The following MAGI1 variants were observed in gnomAD, a reference collection of about 807,000 sequenced individuals.
MAGI1 encodes the protein membrane associated guanylate kinase, WW and PDZ domain containing 1.
Under a neutral mutation model 139.9 loss-of-function variants are expected in MAGI1, and 58 were observed. That is an observed-to-expected ratio of 0.41 (90% confidence interval 0.34 to 0.52). The LOEUF (loss-of-function observed/expected upper bound fraction) is 0.52, where lower values mean the gene tolerates loss of function less well. MAGI1 is among the 20% of genes least tolerant of loss of function. The pLI, the probability that MAGI1 is intolerant of heterozygous loss-of-function variation, is 0.12. For missense variants in MAGI1, 1,874 were observed against 1,901.6 expected, an observed-to-expected ratio of 0.99 and a Z score of 0.27; for synonymous variants, 812 against 737.9, an observed-to-expected ratio of 1.10 and a Z score of -1.63.
At chr3:65,539,371 C>A (rs1450890048) in intron 2 of MAGI1, among the ~76,000 whole-genome samples, 9 of 152,124 alleles carry the variant, frequency 5.9e-5, no homozygotes. Flanking sequence ...TACTGTCAAA[C>A]AGACACATAC....
intron 1 of MAGI1, among the ~76,000 whole-genome samples, chr3:65,948,239 C>T (rs1377770342): frequency 6.6e-6 from 1 of 152,132 alleles, no homozygotes; most frequent in African/African-American, 2.4e-5. Flanking sequence ...CCACTGCACC[C>T]AGCCTGGCAG....
At position 65,463,365 on chromosome 3, in the gene MAGI1, G is replaced by A. The variant is rs147873916; in HGVS notation, c.959+6918C>T. On this transcript the variant is annotated intron_variant, in intron 5 of 22. Transcript: ENST00000402939. Reference sequence around the variant, plus strand: ...TCTGAAACTGTTGAGATAATCATGTGGTTTTTGTCATTGGTTCTGTTTATG... The same window carrying A: ...TCTGAAACTGTTGAGATAATCATGTAGTTTTTGTCATTGGTTCTGTTTATG... 1.9e-3 allele frequency among the ~76,000 whole-genome samples: 284 copies of A among 152,224 alleles called. 2 individuals are homozygous for A. The highest frequency in any genetic ancestry group is 5.0e-3 in the African/African-American group (206 of 41,532).
intron 2 of MAGI1, among the ~76,000 whole-genome samples, chr3:65,516,636 C>G (rs1471651080): frequency 6.6e-6 from 1 of 151,394 alleles, no homozygotes; most frequent in East Asian, 2.0e-4. Flanking sequence ...CCCCTAAAAC[C>G]TTATCACAAT....
chr3:66,013,725 C>T (rs1428086218), intron 1 of MAGI1, among the ~76,000 whole-genome samples: 23 of 147,608 alleles, frequency 1.6e-4, no homozygotes, highest in African/African-American at 4.8e-4. Flanking sequence ...CGCACCACTG[C>T]ACTCCAGCCA....
intron 1 of MAGI1, among the ~76,000 whole-genome samples, chr3:65,680,104 T>C (rs1242701430): frequency 6.6e-6 from 1 of 152,204 alleles, no homozygotes; most frequent in Admixed American, 6.5e-5. Context: ...GACAGCATCC[T>C]ATAGACAAAG....
chr3:65,965,998 G>T (rs1052531337), intron 1 of MAGI1, among the ~76,000 whole-genome samples: 5 of 152,138 alleles, frequency 3.3e-5, no homozygotes, highest in Non-Finnish European at 7.3e-5. Flanking sequence ...ACTTCTCAGA[G>T]ATAGAAGACG....
intron 1 of MAGI1, among the ~76,000 whole-genome samples, chr3:65,905,210 C>A (rs1256091461): frequency 6.6e-6 from 1 of 152,288 alleles, no homozygotes; most frequent in East Asian, 1.9e-4. Context: ...CACTGCTTCT[C>A]AAACTAGTTG....
At chr3:65,362,244 A>G (rs900279989) in intron 21 of MAGI1, among the ~76,000 whole-genome samples, 2 of 152,268 alleles carry the variant, frequency 1.3e-5, no homozygotes, top group African/African-American at 4.8e-5. Flanking sequence ...ATACATGTAA[A>G]CCTGTCATGT....
chr3:65,627,533 A>T (rs1457274038), intron 1 of MAGI1, among the ~76,000 whole-genome samples: 2 of 70,882 alleles, frequency 2.8e-5, no homozygotes, highest in East Asian at 4.0e-4. Flanking sequence ...TTTGAGATGG[A>T]GTCTTGCTCT....
chr3:65,363,416 A>G, intron 21 of MAGI1, 49 bp downstream of exon 21: 1 of 1,547,174 alleles, frequency 6.5e-7, no homozygotes. Flanking sequence ...ACAAGAATTC[A>G]CTGCAGATGG....
At chr3:65,693,497 T>C (rs986129176) in intron 1 of MAGI1, among the ~76,000 whole-genome samples, 1 of 152,128 alleles carries the variant, frequency 6.6e-6, no homozygotes, top group Admixed American at 6.5e-5. Context: ...AGTGAGATTC[T>C]AAAGACACTG....
At chr3:65,380,097 A>G (rs2106889003) in intron 16 of MAGI1, among the ~76,000 whole-genome samples, 1 of 152,244 alleles carries the variant, frequency 6.6e-6, no homozygotes, top group East Asian at 1.9e-4. Flanking sequence ...CCTGTGAGAC[A>G]TACACATGCT....
chr3:65,481,301 G>A (rs757902574), intron 3 of MAGI1, among the ~76,000 whole-genome samples: 1 of 152,156 alleles, frequency 6.6e-6, no homozygotes, highest in African/African-American at 2.4e-5. Context: ...TGTCAAACAA[G>A]AAATGCACTT....
chr3:65,458,865 G>C (rs762814078), intron 5 of MAGI1, among the ~76,000 whole-genome samples: 6 of 152,126 alleles, frequency 3.9e-5, no homozygotes, highest in Non-Finnish European at 8.8e-5. Flanking sequence ...TATTACTCAA[G>C]AAATCTTTGC....
chr3:65,698,738 AAGACTTAAACGTT>A lies in MAGI1; in HGVS notation c.314-76663_314-76651del, dbSNP rs2089388132. On this transcript the variant is annotated intron_variant, in intron 1 of 22. Transcript: ENST00000402939. ...ACAAAAATCAATTCAAGATGGATTA[AAGACTTAAACGTT>A]AGACCTAAAACCATAAAAACCCTAG... 2.0e-5 allele frequency among the ~76,000 whole-genome samples: 3 copies of A among 149,412 alleles called. No homozygotes were observed. In the South Asian group the frequency reaches 6.3e-4, roughly 32 times the overall value.
intron 1 of MAGI1, among the ~76,000 whole-genome samples, chr3:65,762,083 G>A (rs774291611): frequency 1.3e-4 from 20 of 151,870 alleles, no homozygotes; most frequent in Non-Finnish European, 2.4e-4. Context: ...TTTTCTTTAT[G>A]GTAACTCACT....
intron 2 of MAGI1, among the ~76,000 whole-genome samples, chr3:65,567,884 G>A (rs746331298): frequency 2.0e-5 from 3 of 151,996 alleles, no homozygotes; most frequent in African/African-American, 7.3e-5. Flanking sequence ...ATCTTCATAC[G>A]TTGCTGTAAC....
chr3:65,708,598 G>A (rs145504258), intron 1 of MAGI1, among the ~76,000 whole-genome samples: 145 of 152,160 alleles, frequency 9.5e-4, no homozygotes, highest in African/African-American at 3.4e-3. Context: ...GTCATTGGTG[G>A]TGGGGAGGAA....
intron 1 of MAGI1, among the ~76,000 whole-genome samples, chr3:65,647,837 C>T (rs887656354): frequency 3.9e-5 from 6 of 152,068 alleles, no homozygotes; most frequent in East Asian, 1.9e-4. Context: ...CTACATCTGA[C>T]GTAATAATTC....
Sources: gnomAD v4.1 joint callset for allele counts (sites outside exome capture counted in the v4.1 genomes callset) on GRCh38, gnomAD v4.1.1 for gene constraint, MANE v1.5 for transcripts, NCBI Gene and HGNC (gene_info 2026-07-23, HGNC 2026-07-21) for gene names.